The following DNAJC10 variants were observed in gnomAD, a reference collection of about 807,000 sequenced individuals.
DNAJC10 encodes endoplasmic reticulum disulfide reductase DNAJC10.
DNAJC10 carries 101 observed loss-of-function variants against 115.0 expected under a neutral mutation model. That is an observed-to-expected ratio of 0.88 (90% CI 0.75 to 1.04). The LOEUF (loss-of-function observed/expected upper bound fraction) is 1.04, where lower values mean the gene tolerates loss of function less well. DNAJC10 is among the 50% of genes least tolerant of loss of function. DNAJC10 has a pLI of 0.00. For synonymous variants in DNAJC10, 307 were observed against 301.5 expected, an observed-to-expected ratio of 1.02 and a Z score of -0.19; for missense variants, 981 against 928.8, an observed-to-expected ratio of 1.06 and a Z score of -0.73.
At chr2:182,775,746 GGT>G (rs1210777652) in intron 23 of DNAJC10, among the ~76,000 whole-genome samples, 2 of 152,158 alleles carry the variant, frequency 1.3e-5, no homozygotes, top group African/African-American at 4.8e-5. Flanking sequence ...AATGAAATGT[GGT>G]GTATCCATTG....
Position 182,728,910 on chromosome 2 carries a change from T to C in DNAJC10, c.549T>C (p.Ala183=), listed in dbSNP as rs2105620748. The part of the protein sequence containing the change: ...KEVDGLLRIG[A]VNCGDDRMLC... ...TGGATGGGTTACTTCGAATTGGAGC[T>C]GTTAACTGTGGTGATGATAGAATGC... The change falls in exon 7 of 24, where the codon GCT becomes GCC. Residue 183 remains alanine, a synonymous_variant. Transcript: ENST00000264065. The C allele has an allele frequency of 6.2e-7, 1 of 1,614,070 alleles. No individual in the cohort carries two copies. Among genetic ancestry groups the C allele is most frequent in the Admixed American group, 1.7e-5 (1 of 60,028 alleles).
rs751893723 is a variant in DNAJC10, at chr2:182,751,657, G to A, written c.1307-1G>A. 6.2e-7 allele frequency: 1 copy of A among 1,611,166 alleles called. No individual in the cohort carries two copies. The highest frequency in any genetic ancestry group is 1.1e-5 in the South Asian group (1 of 90,044). ...TGAATTTCTCTCATTCACTTTGAAA[G>A]GAAAGAAGATTCTATATGATATACT... On this transcript the variant is annotated splice_acceptor_variant, in intron 14 of 23. Coordinates refer to ENST00000264065, the MANE Select transcript of DNAJC10 (RefSeq NM_018981.4). LOFTEE classifies it high-confidence loss of function.
At chr2:182,722,928 A>G (rs1693189650) in intron 5 of DNAJC10, among the ~76,000 whole-genome samples, 1 of 152,098 alleles carries the variant, frequency 6.6e-6, no homozygotes, top group African/African-American at 2.4e-5. Flanking sequence ...AAAATAGCGT[A>G]CCAGTCGCAA....
At chr2:182,741,389 T>C in intron 13 of DNAJC10, 33 bp downstream of exon 13, 1 of 1,115,328 alleles carries the variant, frequency 9.0e-7, no homozygotes, top group Non-Finnish European at 1.3e-6. Context: ...AGCCTTCTGC[T>C]GGTGTACTTT....
At chr2:182,760,566 A>G (rs527862964) in intron 21 of DNAJC10, among the ~76,000 whole-genome samples, 6 of 152,262 alleles carry the variant, frequency 3.9e-5, no homozygotes, top group African/African-American at 1.4e-4. Flanking sequence ...GCTTATATAA[A>G]ATTAAACTGA....
At chr2:182,775,257 G>A in intron 22 of DNAJC10, 59 bp from the exon 23 acceptor site, 1 of 1,080,090 alleles carries the variant, frequency 9.3e-7, no homozygotes, top group Non-Finnish European at 1.4e-6. Flanking sequence ...AAGTTTCTTA[G>A]GTGGAAATGT....
chr2:182,769,105 T>G (rs975428381), intron 22 of DNAJC10, among the ~76,000 whole-genome samples: 1 of 152,186 alleles, frequency 6.6e-6, no homozygotes, highest in Non-Finnish European at 1.5e-5. Context: ...GATAGTTTGC[T>G]GAGAATGATG....
At chr2:182,751,965 C>A in intron 15 of DNAJC10, 107 bp from the exon 16 acceptor site, 1 of 1,199,310 alleles carries the variant, frequency 8.3e-7, no homozygotes, top group South Asian at 1.4e-5. Flanking sequence ...GGAAGGTTTG[C>A]CGCTAAGTAC....
chr2:182,743,660 G>A lies in DNAJC10; in HGVS notation c.1254G>A (p.Pro418=), dbSNP rs774198787. 77 of 1,613,092 alleles carry A rather than the reference G, an allele frequency of 4.8e-5. No homozygotes were observed. The highest frequency in any genetic ancestry group is 1.6e-4 in the Middle Eastern group (1 of 6,082). Residue 418 remains proline (P), a synonymous_variant, in exon 14 of 24, where the codon CCG becomes CCA. Coordinates refer to ENST00000264065, the MANE Select transcript of DNAJC10 (RefSeq NM_018981.4). The stretch of plus-strand genomic sequence containing the variant: ...GTAGTAATCTGTATGTTTTTCAGCC[G>A]TCTCTAGCAGTATTTAAAGGACAAG... ...DICSNLYVFQ[P]SLAVFKGQGT...
rs565646528 is a variant in DNAJC10, at chr2:182,759,798, TC to T, written c.2145+493del. ...GGGGATTGGTTCCAGGAACCCCCAT[TC>T]CATACCAAAATCTGTGCAGCTCAGG... On this transcript the variant is annotated intron_variant, in intron 21 of 23. Transcript: ENST00000264065. 3.3e-4 allele frequency among the ~76,000 whole-genome samples: 50 copies of T among 152,218 alleles called. 1 individual carries two copies. In the South Asian group the frequency reaches 0.01, roughly 32 times the overall value.
chr2:182,748,327 G>C (rs995637552), intron 14 of DNAJC10, among the ~76,000 whole-genome samples: 14 of 152,156 alleles, frequency 9.2e-5, no homozygotes, highest in African/African-American at 2.7e-4. Context: ...CCTTGTACCT[G>C]TGGTAGAATT....
chr2:182,719,852 A>G (rs1693102858), intron 3 of DNAJC10, among the ~76,000 whole-genome samples, 155 bp from the exon 4 acceptor site: 1 of 143,670 alleles, frequency 7.0e-6, no homozygotes, highest in Admixed American at 7.1e-5. Context: ...CTTCATTTCA[A>G]CCCATGGTAA....
intron 22 of DNAJC10, among the ~76,000 whole-genome samples, chr2:182,773,617 A>G (rs1317495013): frequency 6.6e-6 from 1 of 152,174 alleles, no homozygotes. Context: ...CACTTGATCA[A>G]ATTGGCTATT....
At position 182,761,504 on chromosome 2, in the gene DNAJC10, C is replaced by T. The variant is rs1011169294; in HGVS notation, c.2146-1178C>T. 3.9e-5 allele frequency among the ~76,000 whole-genome samples: 6 copies of T among 152,034 alleles called. No individual in the cohort carries two copies. In the South Asian group the frequency reaches 6.2e-4, roughly 16 times the overall value. On this transcript the variant is annotated intron_variant, in intron 21 of 23. Transcript: ENST00000264065. ...AGGCAGCAAAGATATTTTAAGTGTCCTGAAGTGAGAGGTGATAACTTTAAT... is the reference window on the plus strand; with the variant it reads ...AGGCAGCAAAGATATTTTAAGTGTCTTGAAGTGAGAGGTGATAACTTTAAT...
intron 5 of DNAJC10, among the ~76,000 whole-genome samples, chr2:182,725,868 A>G (rs749667955): frequency 2.4e-4 from 36 of 152,186 alleles, no homozygotes; most frequent in Non-Finnish European, 4.7e-4. Context: ...AGAAGATGCT[A>G]TCTGGGACTT....
chr2:182,719,732 A>C lies in DNAJC10; in HGVS notation c.205-275A>C, dbSNP rs143858031. ...ATTTTCAGCTGCATTTTTTAGGAAG[A>C]ATAACTCATGGTCTGATAACGTCTG... On this transcript the variant is annotated intron_variant, in intron 3 of 23. Coordinates refer to ENST00000264065, the MANE Select transcript of DNAJC10 (RefSeq NM_018981.4). Among the ~76,000 whole-genome samples the C allele has an allele frequency of 4.8e-3, 734 of 151,942 alleles. 3 individuals carry two copies. Among genetic ancestry groups the C allele is most frequent in the African/African-American group, 0.017 (686 of 41,458 alleles).
intron 23 of DNAJC10, among the ~76,000 whole-genome samples, chr2:182,775,996 A>G (rs1311039136): frequency 6.6e-6 from 1 of 152,218 alleles, no homozygotes; most frequent in East Asian, 1.9e-4. Context: ...ATGGGTAGTA[A>G]GGAGTTTATT....
In DNAJC10 at chr2:182,759,286, A is replaced by G. The variant is rs1694234247; in HGVS notation, c.2124A>G (p.Pro708=). 1 of 1,610,022 alleles carries G rather than the reference A, an allele frequency of 6.2e-7. No homozygotes were observed. ...PWCGPCQNFA[P]EFELLARMIK... is the part of the protein sequence containing the mutation. ...GTGGACCTTGCCAGAATTTTGCTCC[A>G]GAATTTGAGCTCTTGGCTAGGGTAA... The change falls in exon 21 of 24, where the codon CCA becomes CCG. Residue 708 remains proline, a synonymous_variant. Transcript: ENST00000264065.
At chr2:182,771,680 T>G (rs1459787069) in intron 22 of DNAJC10, among the ~76,000 whole-genome samples, 3 of 152,222 alleles carry the variant, frequency 2.0e-5, no homozygotes, top group African/African-American at 7.2e-5. Flanking sequence ...GATATCCCCT[T>G]TATCATTTTT....
Sources: allele counts gnomAD v4.1 joint callset (sites outside exome capture counted in the v4.1 genomes callset), GRCh38; gene constraint gnomAD v4.1.1; transcripts MANE v1.5; gene names NCBI Gene and HGNC (gene_info 2026-07-23, HGNC 2026-07-21).